Variants in CBLB observed in about 807,000 individuals in gnomAD.
CBLB encodes E3 ubiquitin-protein ligase CBL-B.
Under a neutral mutation model 104.9 loss-of-function variants are expected in CBLB, and 31 were observed. The observed-to-expected ratio is 0.30, with a 90% CI of 0.22 to 0.40. The LOEUF is 0.40. Ranked by LOEUF, CBLB falls within the 10% of genes least tolerant of loss-of-function variation. CBLB has a pLI of 1.00. For missense variants in CBLB, 1,062 were observed against 1,214.6 expected (o/e 0.87, Z 1.87); for synonymous variants, 440 against 422.6 (o/e 1.04, Z -0.51).
chr3:105,711,514 C>T (rs2071077367), intron 10 of CBLB, among the ~76,000 whole-genome samples: 1 of 151,922 alleles, frequency 6.6e-6, no homozygotes, highest in African/African-American at 2.4e-5. Context: ...CACATACTCA[C>T]ATATTCATAT....
intron 9 of CBLB, among the ~76,000 whole-genome samples, chr3:105,733,148 G>C (rs1005303109): frequency 4.8e-4 from 73 of 152,110 alleles, no homozygotes; most frequent in African/African-American, 1.7e-3. Context: ...ACAAGGTCAG[G>C]AGATCGAGAC....
intron 2 of CBLB, among the ~76,000 whole-genome samples, chr3:105,856,453 C>T (rs1032192279): frequency 5.3e-5 from 8 of 151,104 alleles, no homozygotes; most frequent in Admixed American, 5.3e-4. Flanking sequence ...TTCAAATTTC[C>T]AACCATCAGC....
intron 3 of CBLB, among the ~76,000 whole-genome samples, chr3:105,821,964 C>A (rs2085921005): frequency 6.6e-6 from 1 of 152,070 alleles, no homozygotes; most frequent in Non-Finnish European, 1.5e-5. Context: ...CATCTTTCTG[C>A]ATCTTAACAT....
At position 105,751,400 on chromosome 3, in the gene CBLB, CAG is replaced by C. The variant is rs965974992; in HGVS notation, c.723+60_723+61del. 4.0e-5 allele frequency: 47 copies of C among 1,170,468 alleles called. No homozygotes were observed. The African/African-American group carries it at 5.9e-4, about 15-fold the overall frequency. The allele number at this position is 1,170,468 out of a possible 1,614,324, so 72.5% of individuals were successfully genotyped here. A position where few individuals can be genotyped will look rare whatever the true frequency, so the allele number is the denominator to read the frequency against. Reference sequence around the variant, plus strand: ...AGAGAGAGACAGAGAGAGAGAGAAACAGAGAGAAAAGACAGGGAGAGAGAAGA... The same window carrying C: ...AGAGAGAGACAGAGAGAGAGAGAAACAGAGAAAAGACAGGGAGAGAGAAGA... On this transcript the variant is annotated intron_variant, in intron 5 of 18. Transcript: ENST00000394030.
chr3:105,676,055 G>A (rs536510055), intron 17 of CBLB, among the ~76,000 whole-genome samples: 2 of 150,096 alleles, frequency 1.3e-5, no homozygotes, highest in South Asian at 4.2e-4. Flanking sequence ...ATTAGAATAT[G>A]TCCATCTATT....
At chr3:105,794,178 C>T (rs1056478136) in intron 3 of CBLB, among the ~76,000 whole-genome samples, 4 of 152,144 alleles carry the variant, frequency 2.6e-5, no homozygotes, top group African/African-American at 9.7e-5. Context: ...GTAAGTAATA[C>T]ACTTGTAGTG....
At chr3:105,818,457 G>A (rs2085361075) in intron 3 of CBLB, among the ~76,000 whole-genome samples, 1 of 152,098 alleles carries the variant, frequency 6.6e-6, no homozygotes, top group Non-Finnish European at 1.5e-5. Flanking sequence ...GAAAGTACCA[G>A]AGCAATTTAA....
chr3:105,869,425 C>G (rs1416135674), upstream of CBLB: 3 of 1,326,464 alleles, frequency 2.3e-6, no homozygotes, highest in Non-Finnish European at 3.0e-6. Flanking sequence ...CTTCGCTTAC[C>G]TTCCTAGTCT....
Position 105,734,270 on chromosome 3 carries a change from C to A in CBLB, c.1072-130G>T. 4.5e-6 allele frequency: 4 copies of A among 887,660 alleles called. No homozygotes were observed. In the South Asian group the frequency reaches 5.8e-5, roughly 13 times the overall value. The allele number at this position is 887,660 out of a possible 1,614,324, so 55.0% of individuals were successfully genotyped here. ...ATTGACCTTGTCAGAATTTTGTTACCATTTGAGACATGTTTTGAATTGATA... is the reference window on the plus strand; with the variant it reads ...ATTGACCTTGTCAGAATTTTGTTACAATTTGAGACATGTTTTGAATTGATA... On this transcript the variant is annotated intron_variant, in intron 8 of 18. Transcript: ENST00000394030.
chr3:105,867,892 A>AG (rs1293372625), intron 1 of CBLB, among the ~76,000 whole-genome samples: 3 of 150,392 alleles, frequency 2.0e-5, no homozygotes, highest in Non-Finnish European at 4.4e-5. Context: ...AAAAAAAAAA[A>AG]GAACAAACAA....
intron 16 of CBLB, among the ~76,000 whole-genome samples, 171 bp from the exon 17 acceptor site, chr3:105,678,742 G>C (rs1054973550): frequency 2.6e-5 from 4 of 152,204 alleles, no homozygotes; most frequent in Non-Finnish European, 5.9e-5. Context: ...TTTTGTGGGA[G>C]AGTCTGGAGA....
chr3:105,670,159 A>G (rs937372297), intron 18 of CBLB, 74 bp downstream of exon 18: 9 of 1,201,734 alleles, frequency 7.5e-6, no homozygotes, highest in Non-Finnish European at 9.9e-6. Context: ...TATAATGAAT[A>G]AGAAGGTGTT....
At chr3:105,684,938 T>C (rs2066826000) in intron 14 of CBLB, among the ~76,000 whole-genome samples, 2 of 152,240 alleles carry the variant, frequency 1.3e-5, no homozygotes, top group Admixed American at 1.3e-4. Context: ...TTGGTATTTT[T>C]TTCCCACTTC....
At chr3:105,869,204 A>G (rs1188154599), upstream of CBLB, 4 of 631,472 alleles carry the variant, frequency 6.3e-6, no homozygotes, top group Non-Finnish European at 1.1e-5. Context: ...ATGGCCCCAG[A>G]GGAAGGCCCG....
At chr3:105,725,469 A>G (rs1397099641) in intron 9 of CBLB, among the ~76,000 whole-genome samples, 1 of 152,234 alleles carries the variant, frequency 6.6e-6, no homozygotes, top group Admixed American at 6.5e-5. Flanking sequence ...ACTCTACAAT[A>G]TAGTGGGCAT....
intron 17 of CBLB, chr3:105,670,612 T>G (rs2064968605): frequency 2.4e-6 from 1 of 420,070 alleles, no homozygotes; most frequent in East Asian, 4.9e-5. Flanking sequence ...TATATTTAAT[T>G]ATAAGATTGT....
At chr3:105,665,436 TATATATAC>T (rs1205044304) in intron 18 of CBLB, among the ~76,000 whole-genome samples, 12,827 of 100,884 alleles carry the variant, frequency 0.13, 805 homozygotes, top group Non-Finnish European at 0.18. Flanking sequence ...TATATATATA[TATATATAC>T]ACACACACAC....
At chr3:105,729,919 C>G (rs983591818) in intron 9 of CBLB, among the ~76,000 whole-genome samples, 1 of 151,952 alleles carries the variant, frequency 6.6e-6, no homozygotes, top group African/African-American at 2.4e-5. Flanking sequence ...AAAACAGATA[C>G]GCTAGTTGGC....
chr3:105,713,851 C>T (rs1281309470), intron 10 of CBLB, among the ~76,000 whole-genome samples: 1 of 152,118 alleles, frequency 6.6e-6, no homozygotes, highest in Admixed American at 6.5e-5. Flanking sequence ...CAGAATAATT[C>T]TTTTGGGTAG....
Sources: gnomAD v4.1 joint callset for allele counts (sites outside exome capture counted in the v4.1 genomes callset) on GRCh38, gnomAD v4.1.1 for gene constraint, MANE v1.5 for transcripts, NCBI Gene and HGNC (gene_info 2026-07-23, HGNC 2026-07-21) for gene names.